KRTAP13-1: variants seen among roughly 807,000 people sequenced by gnomAD.
KRTAP13-1 encodes keratin-associated protein 13-1.
For missense variants in KRTAP13-1, 200 were observed against 204.8 expected (o/e 0.98, Z 0.14); for synonymous variants, 104 against 85.3 (o/e 1.22, Z -1.21).
rs1983533612 is a variant in KRTAP13-1 at position 30,396,685 on chromosome 21, C to A, written c.*80C>A. 20 of 1,288,998 alleles carry A rather than the reference C, an allele frequency of 1.6e-5. No individual in the cohort carries two copies. The highest frequency in any genetic ancestry group is 3.8e-4 in the Middle Eastern group (2 of 5,220). 79.8% of individuals were successfully genotyped at this position (1,288,998 alleles called of 1,614,324 possible). On this transcript the variant is annotated 3_prime_UTR_variant, in exon 1 of 1. Coordinates refer to ENST00000355459, the MANE Select transcript of KRTAP13-1 (RefSeq NM_181599.3). ...TAACCTTTATTGTCTTCATCATGTA[C>A]AGAAAGAATTAGCCTCTTATTCTAT...
In KRTAP13-1 at chr21:30,396,375, T is replaced by G. The variant is rs775932592; in HGVS notation, c.289T>G (p.Ser97Ala). 1.9e-6 allele frequency: 3 copies of G among 1,614,202 alleles called. No individual in the cohort carries two copies. The highest frequency in any genetic ancestry group is 2.5e-6 in the Non-Finnish European group (3 of 1,180,028). Residue 97 changes from serine to alanine, a missense_variant, in exon 1 of 1, where the codon TCT becomes GCT. Transcript: ENST00000355459. ...CTGCAGTCCCTGCCAGACAACTTAC[T>G]CTGGGTCTCTAGGCTTTGGATCCAG... Reference protein sequence around the residue: ...LLCSPCQTTYSGSLGFGSSSC... With the variant: ...LLCSPCQTTYAGSLGFGSSSC...
In KRTAP13-1 at chr21:30,396,123, C is replaced by T. The variant is rs370480205; in HGVS notation, c.37C>T (p.Arg13Cys). 7 of 1,613,580 alleles carry T rather than the reference C, an allele frequency of 4.3e-6. No individual in the cohort carries two copies. The highest frequency in any genetic ancestry group is 2.2e-5 in the East Asian group (1 of 44,888). Residue 13 changes from arginine (R) to cysteine (C), a missense_variant, in exon 1 of 1, where the codon CGC (arginine) becomes TGC (cysteine). By Grantham distance (180) the Arg-to-Cys change is radical. Transcript: ENST00000355459. ...CTGCTGCTCTGGAAACTTCTCCTCC[C>T]GCTCCTGTGGTGGCTACCTGCACTA... ...YNCCSGNFSS[R>C]SCGGYLHYPA...
Position 30,396,783 on chromosome 21 carries a change from G to A in KRTAP13-1, c.*178G>A. The A allele has an allele frequency of 1.7e-6, 1 of 594,610 alleles. No homozygotes were observed. The highest frequency in any genetic ancestry group is 3.0e-6 in the Non-Finnish European group (1 of 337,788). The allele number at this position is 594,610 out of a possible 1,614,324, so 36.8% of individuals were successfully genotyped here. ...GGCTTCATCTGAAAAACTGTAATTG[G>A]AGAACTAGCTCAAAATAAATCTTGA... is the stretch of plus-strand genomic sequence containing the variant. On this transcript the variant is annotated 3_prime_UTR_variant, in exon 1 of 1. Coordinates refer to ENST00000355459, the MANE Select transcript of KRTAP13-1 (RefSeq NM_181599.3).
Position 30,396,765 on chromosome 21 carries a change from T to C in KRTAP13-1, c.*160T>C. ...CCCAAATACTGGCTGGCAGGCTTCA[T>C]CTGAAAAACTGTAATTGGAGAACTA... On this transcript the variant is annotated 3_prime_UTR_variant, in exon 1 of 1. Transcript: ENST00000355459. 1 of 659,954 alleles carries C rather than the reference T, an allele frequency of 1.5e-6. No individual in the cohort carries two copies. The highest frequency in any genetic ancestry group is 2.5e-6 in the Non-Finnish European group (1 of 394,966). 40.9% of individuals were successfully genotyped at this position (659,954 alleles called of 1,614,324 possible).
In KRTAP13-1 at chr21:30,396,357, C is replaced by G; in HGVS notation, c.271C>G (p.Pro91Ala). The G allele has an allele frequency of 1.2e-6, 2 of 1,614,230 alleles. No individual in the cohort carries two copies. Among genetic ancestry groups the G allele is most frequent in the South Asian group, 1.1e-5 (1 of 91,086 alleles). ...YRPRTSLLCS[P>A]CQTTYSGSLG... ...TCCCAGAACCTCCTTGCTCTGCAGT[C>G]CCTGCCAGACAACTTACTCTGGGTC... Residue 91 changes from proline to alanine, a missense_variant, in exon 1 of 1, where the codon CCC (proline) becomes GCC (alanine). Transcript: ENST00000355459.
At position 30,396,050 on chromosome 21, in the gene KRTAP13-1, T is replaced by A; in HGVS notation, c.-37T>A. 1 of 1,576,084 alleles carries A rather than the reference T, an allele frequency of 6.3e-7. No homozygotes were observed. The highest frequency in any genetic ancestry group is 1.8e-5 in the Admixed American group (1 of 56,704). Reference sequence around the variant, plus strand: ...TGTGGCATGCAAACTCAGAATCTTCTCAGTGTAACTCAGCTGAACTCACAT... The same window carrying A: ...TGTGGCATGCAAACTCAGAATCTTCACAGTGTAACTCAGCTGAACTCACAT... On this transcript the variant is annotated 5_prime_UTR_variant, in exon 1 of 1. Coordinates refer to ENST00000355459, the MANE Select transcript of KRTAP13-1 (RefSeq NM_181599.3).
rs199718268 is a variant in KRTAP13-1 at position 30,396,136 on chromosome 21, G to A, written c.50G>A (p.Gly17Asp). Reference sequence around the variant, plus strand: ...AACTTCTCCTCCCGCTCCTGTGGTGGCTACCTGCACTACCCAGCCTCCTCC... The same window carrying A: ...AACTTCTCCTCCCGCTCCTGTGGTGACTACCTGCACTACCCAGCCTCCTCC... ...SGNFSSRSCG[G>D]YLHYPASSCG... The change falls in exon 1 of 1, where the codon GGC becomes GAC. Residue 17 changes from glycine to aspartate, a missense_variant. Gly to Asp is a moderately conservative substitution (Grantham distance 94). Transcript: ENST00000355459. 8.1e-6 allele frequency: 13 copies of A among 1,613,814 alleles called. No individual in the cohort carries two copies. The highest frequency in any genetic ancestry group is 6.7e-5 in the East Asian group (3 of 44,884).
rs1601110226 is a variant in KRTAP13-1 at position 30,396,609 on chromosome 21, T to C, written c.*4T>C. Reference sequence around the variant, plus strand: ...TGGATCAGGCTTCTACTATTGATCATCTTGTTAAATTGCTGATTTTGTTGG... The same window carrying C: ...TGGATCAGGCTTCTACTATTGATCACCTTGTTAAATTGCTGATTTTGTTGG... On this transcript the variant is annotated 3_prime_UTR_variant, in exon 1 of 1. Coordinates refer to ENST00000355459, the MANE Select transcript of KRTAP13-1 (RefSeq NM_181599.3). 2.5e-6 allele frequency: 4 copies of C among 1,612,040 alleles called. No homozygotes were observed. The highest frequency in any genetic ancestry group is 3.4e-6 in the Non-Finnish European group (4 of 1,178,968).
Position 30,396,250 on chromosome 21 carries a change from G to C in KRTAP13-1, c.164G>C (p.Gly55Ala). Residue 55 changes from glycine to alanine, a missense_variant, in exon 1 of 1, where the codon GGC becomes GCC. Physicochemically the swap from Gly to Ala is moderately conservative, Grantham distance 60. Coordinates refer to ENST00000355459, the MANE Select transcript of KRTAP13-1 (RefSeq NM_181599.3). ...TCQLGSSLYR[G>A]CQQTCWEPTS... ...CAGCTGGGTTCCTCTCTCTATAGGG[G>C]CTGTCAGCAGACCTGCTGGGAGCCC... The C allele has an allele frequency of 6.2e-7, 1 of 1,614,122 alleles. No homozygotes were observed. The highest frequency in any genetic ancestry group is 8.5e-7 in the Non-Finnish European group (1 of 1,179,980).
chr21:30,396,362 C>A, the KRTAP13-1 span: 2 of 1,614,096 alleles, frequency 1.2e-6, no homozygotes, highest in East Asian at 4.5e-5. Context: ...GCAGTCCCTG[C>A]CAGACAACTT....
At position 30,396,650 on chromosome 21, in the gene KRTAP13-1, C is replaced by T. The variant is rs1158623206; in HGVS notation, c.*45C>T. Reference sequence around the variant, plus strand: ...ATTTTGTTGGCTAATGCCTTCAATGCCTCTACTCATAACCTTTATTGTCTT... The same window carrying T: ...ATTTTGTTGGCTAATGCCTTCAATGTCTCTACTCATAACCTTTATTGTCTT... On this transcript the variant is annotated 3_prime_UTR_variant, in exon 1 of 1. Transcript: ENST00000355459. 2 of 1,529,588 alleles carry T rather than the reference C, an allele frequency of 1.3e-6. No individual in the cohort carries two copies. Among genetic ancestry groups the T allele is most frequent in the Non-Finnish European group, 1.8e-6 (2 of 1,111,582 alleles). 94.8% of individuals were successfully genotyped at this position (1,529,588 alleles called of 1,614,324 possible).
At position 30,396,094 on chromosome 21, in the gene KRTAP13-1, A is replaced by G. The variant is rs1160023673; in HGVS notation, c.8A>G (p.Tyr3Cys). MSYNCCSGNFSSR... is the reference protein window; with the variant it reads MSCNCCSGNFSSR... ...CTCACATCTCCCATCAACATGTCCT[A>G]CAACTGCTGCTCTGGAAACTTCTCC... The change falls in exon 1 of 1, where the codon TAC becomes TGC. Residue 3 changes from tyrosine to cysteine, a missense_variant. Coordinates refer to ENST00000355459, the MANE Select transcript of KRTAP13-1 (RefSeq NM_181599.3). 1 of 1,610,294 alleles carries G rather than the reference A, an allele frequency of 6.2e-7. No individual in the cohort carries two copies. Among genetic ancestry groups the G allele is most frequent in the African/African-American group, 1.3e-5 (1 of 74,850 alleles).
rs368397128 is a variant in KRTAP13-1, at chr21:30,396,367, C to A, written c.281C>A (p.Thr94Lys). The stretch of plus-strand genomic sequence containing the variant: ...TCCTTGCTCTGCAGTCCCTGCCAGA[C>A]AACTTACTCTGGGTCTCTAGGCTTT... ...RTSLLCSPCQ[T>K]TYSGSLGFGS... The change falls in exon 1 of 1, where the codon ACA becomes AAA. Residue 94 changes from threonine to lysine, a missense_variant. Thr to Lys is a moderately conservative substitution (Grantham distance 78). Transcript: ENST00000355459. 9 of 1,614,254 alleles carry A rather than the reference C, an allele frequency of 5.6e-6. No individual in the cohort carries two copies. The highest frequency in any genetic ancestry group is 4.5e-5 in the East Asian group (2 of 44,880).
chr21:30,396,207 T>C lies in KRTAP13-1; in HGVS notation c.121T>C (p.Cys41Arg). The change falls in exon 1 of 1, where the codon TGC (cysteine) becomes CGC (arginine). Residue 41 changes from cysteine to arginine, a missense_variant. Transcript: ENST00000355459. ...PSNQVYSTDL[C>R]SPSTCQLGSS... is the part of the protein sequence containing the mutation. ...CAACCAGGTCTACAGCACTGACCTC[T>C]GCTCTCCCAGCACGTGCCAGCTGGG... The C allele has an allele frequency of 6.2e-7, 1 of 1,614,220 alleles. No homozygotes were observed. Among genetic ancestry groups the C allele is most frequent in the East Asian group, 2.2e-5 (1 of 44,876 alleles).
In KRTAP13-1 at chr21:30,396,624, G is replaced by C; in HGVS notation, c.*19G>C. On this transcript the variant is annotated 3_prime_UTR_variant, in exon 1 of 1. Coordinates refer to ENST00000355459, the MANE Select transcript of KRTAP13-1 (RefSeq NM_181599.3). ...CTATTGATCATCTTGTTAAATTGCT[G>C]ATTTTGTTGGCTAATGCCTTCAATG... is the stretch of plus-strand genomic sequence containing the variant. 1 of 1,609,960 alleles carries C rather than the reference G, an allele frequency of 6.2e-7. No individual in the cohort carries two copies. Among genetic ancestry groups the C allele is most frequent in the Non-Finnish European group, 8.5e-7 (1 of 1,177,832 alleles).
chr21:30,396,044 A>T lies in KRTAP13-1; in HGVS notation c.-43A>T, dbSNP rs745423860. 3 of 1,570,604 alleles carry T rather than the reference A, an allele frequency of 1.9e-6. No homozygotes were observed. In the African/African-American group the frequency reaches 4.0e-5, roughly 21 times the overall value. The stretch of plus-strand genomic sequence containing the variant: ...TCCAGATGTGGCATGCAAACTCAGA[A>T]TCTTCTCAGTGTAACTCAGCTGAAC... On this transcript the variant is annotated 5_prime_UTR_variant, in exon 1 of 1. Transcript: ENST00000355459.
chr21:30,396,296 T>C lies in KRTAP13-1; in HGVS notation c.210T>C (p.Tyr70=), dbSNP rs139317488. The C allele has an allele frequency of 2.7e-5, 43 of 1,614,186 alleles. No homozygotes were observed. Among genetic ancestry groups the C allele is most frequent in the Non-Finnish European group, 3.3e-5 (39 of 1,180,024 alleles). Residue 70 remains tyrosine (Y), a synonymous_variant, in exon 1 of 1, where the codon TAT becomes TAC. Coordinates refer to ENST00000355459, the MANE Select transcript of KRTAP13-1 (RefSeq NM_181599.3). ...CWEPTSCQTS[Y]VESSPCQTSC... is the part of the protein sequence containing the mutation. ...AGCCCACCAGCTGCCAGACATCCTA[T>C]GTGGAGTCCAGCCCCTGCCAGACCT...
rs371629382 is a variant in KRTAP13-1, at chr21:30,396,536, C to G, written c.450C>G (p.Thr150=). 1 of 1,614,126 alleles carries G rather than the reference C, an allele frequency of 6.2e-7. No individual in the cohort carries two copies. Among genetic ancestry groups the G allele is most frequent in the African/African-American group, 1.3e-5 (1 of 74,940 alleles). The change falls in exon 1 of 1, where the codon ACC becomes ACG. Residue 150 remains threonine (T), a synonymous_variant. Coordinates refer to ENST00000355459, the MANE Select transcript of KRTAP13-1 (RefSeq NM_181599.3). Reference sequence around the variant, plus strand: ...ATGGCGTTGGATTCTGCCGCCCAACCTACTTGGCTTCTAGGAGCTGCCAGT... The same window carrying G: ...ATGGCGTTGGATTCTGCCGCCCAACGTACTTGGCTTCTAGGAGCTGCCAGT... ...LGYGVGFCRP[T]YLASRSCQSS...
In KRTAP13-1 at chr21:30,396,124, G is replaced by C. The variant is rs755119319; in HGVS notation, c.38G>C (p.Arg13Pro). 1.9e-6 allele frequency: 3 copies of C among 1,613,538 alleles called. No individual in the cohort carries two copies. In the Middle Eastern group the frequency reaches 5.0e-4, roughly 266 times the overall value. The change falls in exon 1 of 1, where the codon CGC becomes CCC. Residue 13 changes from arginine to proline, a missense_variant. Transcript: ENST00000355459. ...YNCCSGNFSS[R>P]SCGGYLHYPA... Reference sequence around the variant, plus strand: ...TGCTGCTCTGGAAACTTCTCCTCCCGCTCCTGTGGTGGCTACCTGCACTAC... The same window carrying C: ...TGCTGCTCTGGAAACTTCTCCTCCCCCTCCTGTGGTGGCTACCTGCACTAC...
Sources: gnomAD v4.1 joint callset for allele counts on GRCh38, gnomAD v4.1.1 for gene constraint, MANE v1.5 for transcripts, NCBI Gene and HGNC (gene_info 2026-07-23, HGNC 2026-07-21) for gene names.